The following MARK3 variants were observed in gnomAD, a reference collection of about 807,000 sequenced individuals.
MARK3 encodes the protein MAP/microtubule affinity-regulating kinase 3.
A neutral mutation model predicts 90.1 loss-of-function variants in MARK3; 46 were observed. The observed-to-expected ratio is 0.51, with a 90% confidence interval of 0.40 to 0.65. The LOEUF (loss-of-function observed/expected upper bound fraction) is 0.65. Among genes scored for constraint, MARK3 ranks in the 30% least tolerant of loss-of-function variants. The pLI, the probability that MARK3 is intolerant of heterozygous loss-of-function variation, is 0.00. For synonymous variants in MARK3, 321 were observed against 332.6 expected, an observed-to-expected ratio of 0.97 and a Z score of 0.38; for missense variants, 818 against 947.2, an observed-to-expected ratio of 0.86 and a Z score of 1.79.
intron 3 of MARK3, among the ~76,000 whole-genome samples, chr14:103,442,088 G>T (rs1479423066): frequency 6.6e-6 from 1 of 152,050 alleles, no homozygotes; most frequent in Non-Finnish European, 1.5e-5. Flanking sequence ...CACCTCCATG[G>T]CCAGGTGCGG....
At chr14:103,486,745 T>A (rs1446549743) in intron 14 of MARK3, among the ~76,000 whole-genome samples, 1 of 152,108 alleles carries the variant, frequency 6.6e-6, no homozygotes, top group Non-Finnish European at 1.5e-5. Flanking sequence ...TTTGCAAACA[T>A]CTTACTGAGT....
intron 15 of MARK3, 26 bp from the exon 16 acceptor site, chr14:103,498,476 T>C: frequency 7.6e-7 from 1 of 1,315,206 alleles, no homozygotes. Flanking sequence ...GTTAATTTTT[T>C]TTTTTTTTTA....
chr14:103,409,995 C>T (rs535267712), intron 2 of MARK3, among the ~76,000 whole-genome samples: 1 of 152,254 alleles, frequency 6.6e-6, no homozygotes, highest in Non-Finnish European at 1.5e-5. Flanking sequence ...ATAGATACTA[C>T]TAAATTGGTT....
chr14:103,500,569 A>G (rs916473976), intron 17 of MARK3, among the ~76,000 whole-genome samples: 7 of 152,198 alleles, frequency 4.6e-5, no homozygotes, highest in Non-Finnish European at 1.0e-4. Flanking sequence ...TAGAATGTCC[A>G]TATTTCAAAC....
intron 2 of MARK3, 75 bp downstream of exon 2, chr14:103,405,342 T>C (rs1039633184): frequency 9.3e-6 from 11 of 1,180,952 alleles, no homozygotes; most frequent in Middle Eastern, 2.0e-4. Flanking sequence ...GAAAAGAATA[T>C]AGATATAGGC....
At chr14:103,501,676 C>T (rs193275004) in intron 17 of MARK3, among the ~76,000 whole-genome samples, 1 of 152,006 alleles carries the variant, frequency 6.6e-6, no homozygotes, top group Non-Finnish European at 1.5e-5. Flanking sequence ...TTCTCCTGCT[C>T]GGCGGGCTCC....
chr14:103,493,153 T>C (rs2075100876), intron 15 of MARK3, among the ~76,000 whole-genome samples: 1 of 152,194 alleles, frequency 6.6e-6, no homozygotes, highest in Non-Finnish European at 1.5e-5. Flanking sequence ...AAATGTAATC[T>C]TGTATTCGAT....
chr14:103,457,222 A>C lies in MARK3; in HGVS notation c.483+10A>C. On this transcript the variant is annotated intron_variant, in intron 6 of 17. Coordinates refer to ENST00000429436, the MANE Select transcript of MARK3 (RefSeq NM_001128918.3). Reference sequence around the variant, plus strand: ...ATCTAAATTTAGACAGGTATGAATTAATGTGTCTTTACTATGTCAATTTGA... The same window carrying C: ...ATCTAAATTTAGACAGGTATGAATTCATGTGTCTTTACTATGTCAATTTGA... The C allele has an allele frequency of 6.3e-7, 1 of 1,577,046 alleles. No individual in the cohort carries two copies. Among genetic ancestry groups the C allele is most frequent in the South Asian group, 1.1e-5 (1 of 90,164 alleles).
chr14:103,417,296 G>T (rs11623869), intron 2 of MARK3: 43,618 of 151,924 alleles, frequency 0.29, 6,851 homozygotes, highest in Middle Eastern at 0.46. Context: ...CCCTATGAAG[G>T]TGTGGGGTCA....
chr14:103,439,130 C>A (rs1330980248), intron 3 of MARK3, among the ~76,000 whole-genome samples: 1 of 152,042 alleles, frequency 6.6e-6, no homozygotes, highest in African/African-American at 2.4e-5. Context: ...TGACTGCATA[C>A]AAAAGAATGT....
chr14:103,477,917 T>G (rs1316070567), intron 13 of MARK3, among the ~76,000 whole-genome samples: 1 of 151,624 alleles, frequency 6.6e-6, no homozygotes, highest in Non-Finnish European at 1.5e-5. Context: ...GAAGATCATT[T>G]CAGCCCAAGA....
chr14:103,466,266 A>G (rs765409026), intron 9 of MARK3, 77 bp from the exon 10 acceptor site: 33 of 1,325,704 alleles, frequency 2.5e-5, no homozygotes, highest in Admixed American at 4.6e-5. Context: ...TGAAATGTTG[A>G]AAATAAATTT....
Position 103,491,859 on chromosome 14 carries a change from A to G in MARK3, c.1669A>G (p.Arg557Gly), listed in dbSNP as rs1217473820. Reference protein sequence around the residue: ...AATPDRIRFPRGTASRSTFHG... With the variant: ...AATPDRIRFPGGTASRSTFHG... ...CACCCCAGATCGAATCCGCTTCCCA[A>G]GAGGCACTGCCAGTCGTAGCACTTT... Residue 557 changes from arginine (R) to glycine (G), a missense_variant, in exon 15 of 18, where the codon AGA becomes GGA. Physicochemically the swap from Arg to Gly is moderately radical, Grantham distance 125. Coordinates refer to ENST00000429436, the MANE Select transcript of MARK3 (RefSeq NM_001128918.3). The G allele has an allele frequency of 1.9e-6, 3 of 1,614,080 alleles. No homozygotes were observed. Among genetic ancestry groups the G allele is most frequent in the Non-Finnish European group, 2.5e-6 (3 of 1,180,044 alleles).
intron 3 of MARK3, among the ~76,000 whole-genome samples, chr14:103,445,080 T>A (rs2092960563): frequency 6.6e-6 from 1 of 152,204 alleles, no homozygotes; most frequent in Non-Finnish European, 1.5e-5. Flanking sequence ...TGTTGATTTT[T>A]TTTTTTAGTT....
chr14:103,404,689 T>C (rs979932537), intron 1 of MARK3, among the ~76,000 whole-genome samples: 3 of 152,166 alleles, frequency 2.0e-5, no homozygotes, highest in African/African-American at 4.8e-5. Context: ...TGTATCCTTA[T>C]CTAGTGAATG....
Position 103,428,417 on chromosome 14 carries a change from T to G in MARK3, c.274T>G (p.Leu92Val). Residue 92 changes from leucine to valine, a missense_variant, in exon 3 of 18, where the codon TTG becomes GTG. Transcript: ENST00000429436. ...AATAAAAATAATTGACAAAACTCAG[T>G]TGAATCCAACAAGTCTACAAAAGGT... ...VAIKIIDKTQ[L>V]NPTSLQKLFR... 1.3e-6 allele frequency: 2 copies of G among 1,504,392 alleles called. No homozygotes were observed. The highest frequency in any genetic ancestry group is 1.8e-6 in the Non-Finnish European group (2 of 1,109,502). The allele number at this position is 1,504,392 out of a possible 1,614,324, so 93.2% of individuals were successfully genotyped here. A position where few individuals can be genotyped will look rare whatever the true frequency, so the allele number is the denominator to read the frequency against.
intron 1 of MARK3, 114 bp downstream of exon 1, chr14:103,386,194 A>ACCT (rs1442384468): frequency 3.4e-5 from 35 of 1,027,422 alleles, no homozygotes; most frequent in Non-Finnish European, 2.9e-5. Context: ...AATAGAGGGC[A>ACCT]GGCCGTAGTC....
intron 2 of MARK3, among the ~76,000 whole-genome samples, chr14:103,408,866 T>C (rs1029312630): frequency 6.6e-6 from 1 of 152,306 alleles, no homozygotes; most frequent in East Asian, 1.9e-4. Context: ...TGAGCTGCCT[T>C]ATAGACTGCT....
intron 12 of MARK3, among the ~76,000 whole-genome samples, chr14:103,470,236 C>A (rs1174449575): frequency 2.6e-5 from 4 of 151,812 alleles, no homozygotes; most frequent in Admixed American, 2.6e-4. Flanking sequence ...GTGGTTAAGC[C>A]ACTCTCCCTT....
Sources: allele counts gnomAD v4.1 joint callset (sites outside exome capture counted in the v4.1 genomes callset), GRCh38; gene constraint gnomAD v4.1.1; transcripts MANE v1.5; gene names NCBI Gene and HGNC (gene_info 2026-07-23, HGNC 2026-07-21).